The following NCMAP variants were observed in gnomAD, a reference collection of about 807,000 sequenced individuals.
The protein encoded by NCMAP is non-compact myelin associated protein.
In NCMAP, 8 loss-of-function variants were observed where a neutral mutation model predicts 7.8. That is an observed-to-expected ratio of 1.02 (90% CI 0.60 to 1.84). The LOEUF (loss-of-function observed/expected upper bound fraction) is 1.84, where lower values mean the gene tolerates loss of function less well. Ranked by LOEUF, NCMAP falls within the 40% of genes most tolerant of loss-of-function variation. The pLI, the probability that NCMAP is intolerant of heterozygous loss-of-function variation, is 0.00. For synonymous variants in NCMAP, 41 were observed against 52.9 expected (o/e 0.78, Z 0.98); for missense variants, 112 against 131.4 (o/e 0.85, Z 0.72).
chr1:24,593,367 C>T (rs1652108623), intron 1 of NCMAP, among the ~76,000 whole-genome samples: 1 of 151,904 alleles, frequency 6.6e-6, no homozygotes. Context: ...GTGGTGAATG[C>T]CTGTAGTCCC....
chr1:24,596,495 C>A (rs759390767), intron 2 of NCMAP, among the ~76,000 whole-genome samples: 1 of 152,040 alleles, frequency 6.6e-6, no homozygotes, highest in African/African-American at 2.4e-5. Flanking sequence ...CCAGCCTGGG[C>A]AATATGGGGA....
chr1:24,564,528 AAAAAC>A (rs1340543874), intron 1 of NCMAP, among the ~76,000 whole-genome samples: 5,077 of 125,118 alleles, frequency 0.041, 734 homozygotes, highest in African/African-American at 0.11. Context: ...AAAAAAAAAA[AAAAAC>A]AAAAAAAAAC....
rs1181052067 is a variant in NCMAP, at chr1:24,604,648, A to G, written c.168-958A>G. Among the ~76,000 whole-genome samples, 4 of 102,168 alleles carry G rather than the reference A, an allele frequency of 3.9e-5. 1 individual carries two copies. Among genetic ancestry groups the G allele is most frequent in the African/African-American group, 1.5e-4 (4 of 26,012 alleles). The allele number at this position is 102,168 out of a possible 152,430, so 67.0% of individuals were successfully genotyped here. A position where few individuals can be genotyped will look rare whatever the true frequency, so the allele number is the denominator to read the frequency against. On this transcript the variant is annotated intron_variant, in intron 3 of 3. Coordinates refer to ENST00000374392, the MANE Select transcript of NCMAP (RefSeq NM_001010980.5). ...TATATATATATATATATATATATAT[A>G]TATATGTCAGCAAGATGAAATACCA...
rs1651569727 is a variant in NCMAP at position 24,576,747 on chromosome 1, C to A, written c.-7-18677C>A. Among the ~76,000 whole-genome samples, 1 of 152,150 alleles carries A rather than the reference C, an allele frequency of 6.6e-6. No homozygotes were observed. Among genetic ancestry groups the A allele is most frequent in the Non-Finnish European group, 1.5e-5 (1 of 68,028 alleles). On this transcript the variant is annotated intron_variant, in intron 1 of 3. Coordinates refer to ENST00000374392, the MANE Select transcript of NCMAP (RefSeq NM_001010980.5). This position sits in a 1 kb window ranked among gnomAD's most constrained non-coding sequence, Gnocchi z 4.0. The stretch of plus-strand genomic sequence containing the variant: ...CCAGCCCAGGGTTCTTGCCCCCCAT[C>A]TCAGGCCTCTCTGTTGGAGTTTTCA...
At chr1:24,564,513 CA>C (rs1184189345) in intron 1 of NCMAP, among the ~76,000 whole-genome samples, 10,175 of 49,638 alleles carry the variant, frequency 0.2, 183 homozygotes, top group East Asian at 0.34. Flanking sequence ...GATTCTGTCT[CA>C]AAAAAAAAAA....
intron 3 of NCMAP, among the ~76,000 whole-genome samples, chr1:24,602,369 T>A (rs899213690): frequency 6.7e-6 from 1 of 148,218 alleles, no homozygotes; most frequent in Non-Finnish European, 1.5e-5. Context: ...GATCACGAGG[T>A]CAGGAGATCG....
chr1:24,594,048 T>A (rs906761377), intron 1 of NCMAP, among the ~76,000 whole-genome samples: 1 of 148,340 alleles, frequency 6.7e-6, no homozygotes, highest in African/African-American at 2.4e-5. Context: ...CCCACCACCA[T>A]GCCTGGCTAA....
chr1:24,579,092 C>T (rs1651675288), intron 1 of NCMAP, among the ~76,000 whole-genome samples: 1 of 152,156 alleles, frequency 6.6e-6, no homozygotes, highest in Admixed American at 6.5e-5. Flanking sequence ...GCTGGAGCCC[C>T]TGGTCCCTGG....
chr1:24,592,745 C>T (rs139219289), intron 1 of NCMAP, among the ~76,000 whole-genome samples: 2,960 of 152,084 alleles, frequency 0.019, 92 homozygotes, highest in African/African-American at 0.068. Context: ...AGTGAAACCC[C>T]GTCTCTATTA....
chr1:24,567,108 A>T (rs1452311047), intron 1 of NCMAP, among the ~76,000 whole-genome samples: 1 of 152,134 alleles, frequency 6.6e-6, no homozygotes, highest in African/African-American at 2.4e-5. Flanking sequence ...GTATATTCGG[A>T]GCCAACCCAT....
At chr1:24,597,531 AGGGGGAGG>A (rs1652272007) in intron 2 of NCMAP, among the ~76,000 whole-genome samples, 1 of 9,668 alleles carries the variant, frequency 1.0e-4, no homozygotes, top group Non-Finnish European at 1.8e-4. Flanking sequence ...GGGGGGGGGG[AGGGGGAGG>A]GGGAGGGGGA....
intron 1 of NCMAP, among the ~76,000 whole-genome samples, chr1:24,583,584 C>T (rs35901089): frequency 0.44 from 66,654 of 151,786 alleles, 14,917 homozygotes; most frequent in East Asian, 0.62. Flanking sequence ...GGTGTGGTGG[C>T]GCACATCTGT....
chr1:24,589,549 C>G (rs1244167484), intron 1 of NCMAP: 1 of 152,422 alleles, frequency 6.6e-6, no homozygotes, highest in East Asian at 1.9e-4. Flanking sequence ...ACCTGGAACT[C>G]GGCACCCAGG....
chr1:24,581,173 G>A (rs1347366331), intron 1 of NCMAP, among the ~76,000 whole-genome samples: 2 of 151,488 alleles, frequency 1.3e-5, no homozygotes, highest in Non-Finnish European at 2.9e-5. Context: ...CTGGAGAGCA[G>A]TGGTGCTATT....
At chr1:24,598,772 G>A (rs1041417392) in intron 2 of NCMAP, among the ~76,000 whole-genome samples, 2 of 151,448 alleles carry the variant, frequency 1.3e-5, no homozygotes, top group Admixed American at 1.3e-4. Context: ...TGAATAGCTG[G>A]GATTACAGGC....
At chr1:24,597,679 A>AGG (rs1557602728) in intron 2 of NCMAP, among the ~76,000 whole-genome samples, 60 of 105,084 alleles carry the variant, frequency 5.7e-4, no homozygotes, top group Middle Eastern at 6.7e-3. Flanking sequence ...AAGAAAAGAA[A>AGG]AAGAAAGAAA....
At chr1:24,583,718 A>AAAAAAG (rs1651801710) in intron 1 of NCMAP, among the ~76,000 whole-genome samples, 1 of 39,350 alleles carries the variant, frequency 2.5e-5, no homozygotes, top group Admixed American at 1.7e-4. Flanking sequence ...TCCGTCTCAG[A>AAAAAAG]AAAAAAAAAA....
chr1:24,596,939 G>A (rs1652250487), intron 2 of NCMAP, among the ~76,000 whole-genome samples: 1 of 152,068 alleles, frequency 6.6e-6, no homozygotes, highest in African/African-American at 2.4e-5. Context: ...ATACCCCTGG[G>A]CATGGGACAG....
chr1:24,602,363 A>T (rs1009208710), intron 3 of NCMAP, among the ~76,000 whole-genome samples: 4 of 137,246 alleles, frequency 2.9e-5, no homozygotes, highest in African/African-American at 1.4e-4. Flanking sequence ...CGGGCGGATC[A>T]CGAGGTCAGG....
Sources: allele counts gnomAD v4.1 joint callset (sites outside exome capture counted in the v4.1 genomes callset), GRCh38; gene constraint gnomAD v4.1.1; non-coding constraint Gnocchi (gnomAD v3.1); transcripts MANE v1.5; gene names NCBI Gene and HGNC (gene_info 2026-07-23, HGNC 2026-07-21).